The following PTPRN2 variants were observed in gnomAD, a reference collection of about 807,000 sequenced individuals.
The protein encoded by PTPRN2 is protein tyrosine phosphatase receptor type N2.
In PTPRN2, 74 loss-of-function variants were observed where a neutral mutation model predicts 118.8. The ratio of observed to expected loss-of-function variants is 0.62; its 90% confidence interval spans 0.52 to 0.76. PTPRN2 has a LOEUF of 0.76. Among genes scored for constraint, PTPRN2 ranks in the 30% least tolerant of loss-of-function variants. The pLI is 0.00. For synonymous variants in PTPRN2, 641 were observed against 608.0 expected (o/e 1.05, Z -0.80); for missense variants, 1,481 against 1,394.4 (o/e 1.06, Z -0.99).
intron 12 of PTPRN2, among the ~76,000 whole-genome samples, chr7:157,889,102 C>G (rs558347060): frequency 6.6e-6 from 1 of 152,184 alleles, no homozygotes; most frequent in African/African-American, 2.4e-5. Flanking sequence ...AAAAAACTCA[C>G]TTGCAATTCC....
intron 3 of PTPRN2, among the ~76,000 whole-genome samples, chr7:158,310,950 A>G (rs1298364035): frequency 2.6e-5 from 4 of 152,248 alleles, no homozygotes; most frequent in African/African-American, 9.6e-5. Flanking sequence ...GACGTGAGCC[A>G]GACGTTCTCC....
At chr7:158,358,590 G>A (rs144790635) in intron 2 of PTPRN2, among the ~76,000 whole-genome samples, 10 of 152,350 alleles carry the variant, frequency 6.6e-5, no homozygotes, top group African/African-American at 1.9e-4. Context: ...GAAACAGAAC[G>A]TGGTCTATTT....
At chr7:157,552,184 T>A (rs1242361744) in intron 21 of PTPRN2, among the ~76,000 whole-genome samples, 1 of 152,190 alleles carries the variant, frequency 6.6e-6, no homozygotes, top group Non-Finnish European at 1.5e-5. Flanking sequence ...ACATTCTGCT[T>A]GATTGGCTCT....
In PTPRN2 at chr7:158,340,290, T is replaced by C. The variant is rs1330236403; in HGVS notation, c.164-23358A>G. Among the ~76,000 whole-genome samples the C allele has an allele frequency of 1.3e-3, 84 of 65,334 alleles. 1 individual carries two copies. The highest frequency in any genetic ancestry group is 2.8e-3 in the African/African-American group (49 of 17,740). 42.9% of individuals were successfully genotyped at this position (65,334 alleles called of 152,430 possible). A position where few individuals can be genotyped will look rare whatever the true frequency, so the allele number is the denominator to read the frequency against. On this transcript the variant is annotated intron_variant, in intron 2 of 22. Transcript: ENST00000389418. ...CCTACAGACATCACTCACACCCACA[T>C]TCTCACCATAGGAGCTGACACCCAC...
At chr7:158,477,095 A>G (rs972652138) in intron 2 of PTPRN2, among the ~76,000 whole-genome samples, 2 of 152,174 alleles carry the variant, frequency 1.3e-5, no homozygotes, top group African/African-American at 4.8e-5. Flanking sequence ...TGGGAGTGCA[A>G]TGAGACTGCC....
intron 3 of PTPRN2, among the ~76,000 whole-genome samples, chr7:158,234,924 G>A (rs893805937): frequency 9.9e-5 from 15 of 152,054 alleles, no homozygotes; most frequent in Admixed American, 1.3e-4. Context: ...CACCACACCC[G>A]GCTAATTTTT....
chr7:158,311,713 C>T lies in PTPRN2; in HGVS notation c.277+5106G>A, dbSNP rs554805492. ...CTGCAAGAAGTGGCCTGGATGAAGA[C>T]GACAGGCAGAAGCACAGGATCAACT... On this transcript the variant is annotated intron_variant, in intron 3 of 22. Transcript: ENST00000389418. 7.3e-4 allele frequency among the ~76,000 whole-genome samples: 111 copies of T among 152,344 alleles called. 1 individual carries two copies. Among genetic ancestry groups the T allele is most frequent in the African/African-American group, 2.4e-3 (101 of 41,584 alleles).
At position 158,414,000 on chromosome 7, in the gene PTPRN2, G is replaced by A. The variant is rs60392985; in HGVS notation, c.163+75735C>T. On this transcript the variant is annotated intron_variant, in intron 2 of 22. Coordinates refer to ENST00000389418, the MANE Select transcript of PTPRN2 (RefSeq NM_002847.5). Reference sequence around the variant, plus strand: ...ACTAAATCACTTGAACCTGGGAGGCGGAGGTTGCAGTGAGCCGTGATCGTG... The same window carrying A: ...ACTAAATCACTTGAACCTGGGAGGCAGAGGTTGCAGTGAGCCGTGATCGTG... Among the ~76,000 whole-genome samples the A allele has an allele frequency of 5.4e-3, 822 of 151,450 alleles. 12 individuals are homozygous for A. Among genetic ancestry groups the A allele is most frequent in the African/African-American group, 0.018 (740 of 41,210 alleles).
chr7:157,699,174 T>C (rs1399136121), intron 12 of PTPRN2, among the ~76,000 whole-genome samples: 1 of 152,250 alleles, frequency 6.6e-6, no homozygotes, highest in African/African-American at 2.4e-5. Flanking sequence ...TTCACAATTA[T>C]ATAACTTAGC....
chr7:158,155,543 A>AATG (rs1563528967), intron 6 of PTPRN2, among the ~76,000 whole-genome samples: 6 of 135,466 alleles, frequency 4.4e-5, no homozygotes, highest in East Asian at 2.0e-4. Context: ...CACTATCATC[A>AATG]CCATCAACAC....
At chr7:157,807,677 C>A (rs917464877) in intron 12 of PTPRN2, among the ~76,000 whole-genome samples, 1 of 152,242 alleles carries the variant, frequency 6.6e-6, no homozygotes, top group Non-Finnish European at 1.5e-5. Context: ...CATCCTGGAG[C>A]TTTGTACTGA....
chr7:158,429,877 A>G (rs1470872493), intron 2 of PTPRN2, among the ~76,000 whole-genome samples: 1 of 152,110 alleles, frequency 6.6e-6, no homozygotes, highest in Non-Finnish European at 1.5e-5. Flanking sequence ...GTGTAGCCGT[A>G]CTCGTGGGAC....
intron 10 of PTPRN2, among the ~76,000 whole-genome samples, chr7:158,090,462 G>C (rs1156478915): frequency 6.6e-6 from 1 of 152,210 alleles, no homozygotes; most frequent in Non-Finnish European, 1.5e-5. Context: ...TTTCATCACT[G>C]TAATTTTAGC....
At chr7:158,419,749 G>A (rs951515924) in intron 2 of PTPRN2, among the ~76,000 whole-genome samples, 4 of 152,138 alleles carry the variant, frequency 2.6e-5, no homozygotes, top group Non-Finnish European at 4.4e-5. Flanking sequence ...AAGATCACAC[G>A]TGATGTCTGA....
chr7:157,567,912 C>T (rs974168276), intron 21 of PTPRN2, among the ~76,000 whole-genome samples: 1 of 152,174 alleles, frequency 6.6e-6, no homozygotes, highest in African/African-American at 2.4e-5. Context: ...CTCCTTGGGA[C>T]CTCTCCATGC....
chr7:158,160,161 G>A (rs1247151201), intron 6 of PTPRN2, among the ~76,000 whole-genome samples: 1 of 152,204 alleles, frequency 6.6e-6, no homozygotes, highest in Non-Finnish European at 1.5e-5. Context: ...TTCGTTTTAA[G>A]TGTCAACTTG....
chr7:158,467,620 G>T (rs193076643), intron 2 of PTPRN2, among the ~76,000 whole-genome samples: 1 of 152,214 alleles, frequency 6.6e-6, no homozygotes, highest in African/African-American at 2.4e-5. Context: ...GCAGATTTTT[G>T]AGAACGGTGT....
chr7:158,563,207 A>G lies in PTPRN2; in HGVS notation c.112+24351T>C, dbSNP rs531379979. ...TGCCTTCTCCCAAGGCAGGACCACA[A>G]GTTTGCAGCTCGAGACCTTGTCCAG... On this transcript the variant is annotated intron_variant, in intron 1 of 22. Coordinates refer to ENST00000389418, the MANE Select transcript of PTPRN2 (RefSeq NM_002847.5). This position sits in a 1 kb window ranked among gnomAD's most constrained non-coding sequence, Gnocchi z 5.1. 2.6e-3 allele frequency among the ~76,000 whole-genome samples: 393 copies of G among 152,306 alleles called. 2 individuals carry two copies. The highest frequency in any genetic ancestry group is 2.9e-3 in the Non-Finnish European group (196 of 68,022).
intron 11 of PTPRN2, among the ~76,000 whole-genome samples, chr7:158,069,154 G>C (rs1811013848): frequency 6.6e-6 from 1 of 152,210 alleles, no homozygotes; most frequent in Non-Finnish European, 1.5e-5. Context: ...GCCTGACACG[G>C]TGGGTCTTAT....
Sources: allele counts gnomAD v4.1 joint callset (sites outside exome capture counted in the v4.1 genomes callset), GRCh38; gene constraint gnomAD v4.1.1; non-coding constraint Gnocchi (gnomAD v3.1); transcripts MANE v1.5; gene names NCBI Gene and HGNC (gene_info 2026-07-23, HGNC 2026-07-21).